Variants in C8orf34 observed in about 807,000 individuals in gnomAD.
C8orf34 encodes chromosome 8 open reading frame 34.
In C8orf34, 65 loss-of-function variants were observed where a neutral mutation model predicts 68.3. The ratio of observed to expected loss-of-function variants is 0.95; its 90% CI spans 0.78 to 1.17. The LOEUF (loss-of-function observed/expected upper bound fraction) is 1.17. Ranked by LOEUF, C8orf34 falls within the 50% of genes most tolerant of loss-of-function variation. The pLI is 0.00. For missense variants in C8orf34, 664 were observed against 655.4 expected (o/e 1.01, Z -0.14); for synonymous variants, 244 against 241.2 (o/e 1.01, Z -0.11).
chr8:68,620,197 G>A (rs1055602179), intron 7 of C8orf34, among the ~76,000 whole-genome samples: 1 of 152,170 alleles, frequency 6.6e-6, no homozygotes. Context: ...ACAGGGAGGA[G>A]CCCCCAGTTC....
chr8:68,439,495 T>G lies in C8orf34; in HGVS notation c.328-4T>G. ...TATAATTGTGTGCTCTATTCTGCCT[T>G]CAGGAATTAATGACCAAGTTAATAA... is the stretch of plus-strand genomic sequence containing the variant. On this transcript the variant is annotated splice_region_variant and splice_polypyrimidine_tract_variant and intron_variant, in intron 1 of 13. Coordinates refer to ENST00000518698, the MANE Select transcript of C8orf34 (RefSeq NM_052958.4). The G allele has an allele frequency of 1.2e-6, 2 of 1,612,434 alleles. No homozygotes were observed. Among genetic ancestry groups the G allele is most frequent in the Non-Finnish European group, 1.7e-6 (2 of 1,179,338 alleles).
chr8:68,533,989 G>A (rs1209039693), intron 7 of C8orf34: 1 of 894,404 alleles, frequency 1.1e-6, no homozygotes, highest in Non-Finnish European at 1.3e-6. Flanking sequence ...TTATTTGAAA[G>A]CCTTAAACAC....
At chr8:68,799,586 T>A (rs1049096903) in intron 12 of C8orf34, among the ~76,000 whole-genome samples, 5 of 152,200 alleles carry the variant, frequency 3.3e-5, no homozygotes, top group African/African-American at 4.8e-5. Flanking sequence ...GATTTTCCAA[T>A]GAGTCTCATA....
At chr8:68,694,667 A>T (rs1423395448) in intron 8 of C8orf34, among the ~76,000 whole-genome samples, 1 of 152,038 alleles carries the variant, frequency 6.6e-6, no homozygotes, top group Admixed American at 6.6e-5. Flanking sequence ...TATGTAATGA[A>T]TAGGAACGAA....
Position 68,743,829 on chromosome 8 carries a change from G to T in C8orf34, c.1404+22392G>T, listed in dbSNP as rs192290562. ...GGGAGGGGCGCCCACCATTGCCCAGGCTTGCTTAGGTAAACAAAGCAGCCC... is the reference window on the plus strand; with the variant it reads ...GGGAGGGGCGCCCACCATTGCCCAGTCTTGCTTAGGTAAACAAAGCAGCCC... On this transcript the variant is annotated intron_variant, in intron 10 of 13. Coordinates refer to ENST00000518698, the MANE Select transcript of C8orf34 (RefSeq NM_052958.4). 7.9e-5 allele frequency among the ~76,000 whole-genome samples: 12 copies of T among 152,342 alleles called. No homozygotes were observed. In the East Asian group the frequency reaches 2.3e-3, roughly 29 times the overall value.
chr8:68,658,610 C>T (rs970876483), intron 8 of C8orf34, among the ~76,000 whole-genome samples: 9 of 152,074 alleles, frequency 5.9e-5, no homozygotes, highest in Admixed American at 3.3e-4. Flanking sequence ...CTTCTTTTCT[C>T]GACATATTCA....
At chr8:68,386,051 A>G (rs1808245237) in intron 1 of C8orf34, among the ~76,000 whole-genome samples, 1 of 152,084 alleles carries the variant, frequency 6.6e-6, no homozygotes, top group African/African-American at 2.4e-5. Flanking sequence ...GGCATGGCCC[A>G]CTAGTCCACC....
intron 1 of C8orf34, among the ~76,000 whole-genome samples, chr8:68,415,741 C>A (rs1459158166): frequency 6.6e-6 from 1 of 152,194 alleles, no homozygotes; most frequent in Non-Finnish European, 1.5e-5. Flanking sequence ...ATGCTCAAAT[C>A]CGAGACTTGA....
intron 5 of C8orf34, among the ~76,000 whole-genome samples, chr8:68,503,930 T>G (rs1490392209): frequency 6.6e-6 from 1 of 152,180 alleles, no homozygotes; most frequent in Non-Finnish European, 1.5e-5. Flanking sequence ...TTTATTGAAA[T>G]ATAATTCACA....
chr8:68,629,550 T>C (rs894481687), intron 7 of C8orf34, among the ~76,000 whole-genome samples: 2 of 152,140 alleles, frequency 1.3e-5, no homozygotes, highest in Admixed American at 1.3e-4. Flanking sequence ...CAAAAGTCAA[T>C]CCTATGTAAA....
intron 7 of C8orf34, among the ~76,000 whole-genome samples, chr8:68,596,414 T>A (rs1817548150): frequency 1.3e-5 from 2 of 152,168 alleles, no homozygotes; most frequent in South Asian, 4.1e-4. Flanking sequence ...TTTAAATGCA[T>A]ATATGGGTGT....
At chr8:68,713,482 G>A (rs1476992521) in intron 9 of C8orf34, among the ~76,000 whole-genome samples, 1 of 152,028 alleles carries the variant, frequency 6.6e-6, no homozygotes, top group Non-Finnish European at 1.5e-5. Flanking sequence ...TGTTACTGCT[G>A]ATACCACAGA....
Position 68,815,919 on chromosome 8 carries a change from C to T in C8orf34, c.1583C>T (p.Ser528Phe). 3.7e-6 allele frequency: 6 copies of T among 1,613,778 alleles called. No individual in the cohort carries two copies. The highest frequency in any genetic ancestry group is 5.1e-6 in the Non-Finnish European group (6 of 1,179,788). The part of the protein sequence containing the change: ...SADLLLCVPC[S>F]SCPTLVYSGL Reference sequence around the variant, plus strand: ...GATCTTCTTCTTTGCGTTCCATGCTCTTCTTGTCCTACGCTGGTCTACTCT... The same window carrying T: ...GATCTTCTTCTTTGCGTTCCATGCTTTTCTTGTCCTACGCTGGTCTACTCT... The change falls in exon 13 of 14, where the codon TCT (serine) becomes TTT (phenylalanine). Residue 528 changes from serine to phenylalanine, a missense_variant. Coordinates refer to ENST00000518698, the MANE Select transcript of C8orf34 (RefSeq NM_052958.4).
intron 11 of C8orf34, among the ~76,000 whole-genome samples, chr8:68,777,712 C>T (rs540749965): frequency 5.3e-5 from 8 of 152,296 alleles, no homozygotes; most frequent in Admixed American, 5.2e-4. Context: ...TTCCAACGTT[C>T]TTTCTAGGGA....
chr8:68,499,099 C>T (rs4527853), intron 5 of C8orf34, among the ~76,000 whole-genome samples: 52,642 of 151,986 alleles, frequency 0.35, 9,913 homozygotes, highest in Non-Finnish European at 0.43. Context: ...CTCTAATAGT[C>T]CCCAGTATCT....
At chr8:68,816,961 G>A (rs1012318414) in intron 13 of C8orf34, among the ~76,000 whole-genome samples, 7 of 152,148 alleles carry the variant, frequency 4.6e-5, no homozygotes, top group Admixed American at 1.3e-4. Context: ...CAACTATCAC[G>A]TGGTTCTCTT....
intron 8 of C8orf34, among the ~76,000 whole-genome samples, chr8:68,695,174 T>G (rs775300626): frequency 9.2e-5 from 14 of 151,628 alleles, no homozygotes; most frequent in Non-Finnish European, 1.6e-4. Context: ...GAGATGGAGT[T>G]TCTTTCTTGT....
chr8:68,712,420 C>T (rs1047184092), intron 9 of C8orf34, among the ~76,000 whole-genome samples: 1 of 152,118 alleles, frequency 6.6e-6, no homozygotes, highest in Admixed American at 6.6e-5. Flanking sequence ...AATTCACCAA[C>T]CAAGTTTCTG....
intron 1 of C8orf34, among the ~76,000 whole-genome samples, chr8:68,408,624 A>G (rs1357055862): frequency 6.6e-6 from 1 of 152,146 alleles, no homozygotes; most frequent in African/African-American, 2.4e-5. Context: ...TGCACCACAT[A>G]GTGACGTTTC....
Sources: allele counts gnomAD v4.1 joint callset (sites outside exome capture counted in the v4.1 genomes callset), GRCh38; gene constraint gnomAD v4.1.1; transcripts MANE v1.5; gene names NCBI Gene and HGNC (gene_info 2026-07-23, HGNC 2026-07-21).